PRKDC: variants seen among roughly 807,000 people sequenced by gnomAD.
PRKDC encodes the protein protein kinase, DNA-activated, catalytic subunit, also known as DNA-dependent protein kinase catalytic subunit.
PRKDC carries 82 observed loss-of-function variants against 486.9 expected under a neutral mutation model. That is an observed-to-expected ratio of 0.17 (90% CI 0.14 to 0.20). PRKDC has a LOEUF of 0.20. PRKDC is among the 10% of genes least tolerant of loss of function. The pLI, the probability that PRKDC is intolerant of heterozygous loss-of-function variation, is 1.00. For synonymous variants in PRKDC, 1,895 were observed against 1,837.0 expected (o/e 1.03, Z -0.81); for missense variants, 4,504 against 5,038.2 (o/e 0.89, Z 3.21).
Position 47,887,593 on chromosome 8 carries a change from T to C in PRKDC, c.4526A>G (p.Gln1509Arg), listed in dbSNP as rs2089365201. Residue 1509 changes from glutamine (Q) to arginine (R), a missense_variant, in exon 35 of 86, where the codon CAG becomes CGG. Gln to Arg is a conservative substitution (Grantham distance 43, BLOSUM62 1). This residue lies in a region of PRKDC where 1,969 missense variants were observed against 2,068.9 expected (regional missense o/e 0.95). Coordinates refer to ENST00000314191, the MANE Select transcript of PRKDC (RefSeq NM_006904.7). ...CLPSLDLSCKQLASGLLELAF... is the reference protein window; with the variant it reads ...CLPSLDLSCKRLASGLLELAF... ...TAACTCCAGAAGTCCGCTGGCCAGC[T>C]GCTTACAACTGAGGTCTAGAGAAGG... 1.3e-6 allele frequency: 2 copies of C among 1,598,206 alleles called. No homozygotes were observed. Among genetic ancestry groups the C allele is most frequent in the Non-Finnish European group, 1.7e-6 (2 of 1,172,318 alleles).
At chr8:47,942,995 T>C (rs775750099) in intron 10 of PRKDC, among the ~76,000 whole-genome samples, 2 of 152,222 alleles carry the variant, frequency 1.3e-5, no homozygotes, top group Non-Finnish European at 2.9e-5. Flanking sequence ...TGTCTCAATC[T>C]AGGCTCTGAG....
intron 54 of PRKDC, among the ~76,000 whole-genome samples, chr8:47,846,959 G>A (rs933014731): frequency 1.3e-5 from 2 of 152,124 alleles, no homozygotes; most frequent in African/African-American, 4.8e-5. Context: ...GGAGGTGAAA[G>A]ATCTCTACAA....
rs934674701 is a variant in PRKDC, at chr8:47,821,722, G to T, written c.8993C>A (p.Ser2998Tyr). 1.3e-6 allele frequency: 2 copies of T among 1,599,634 alleles called. No homozygotes were observed. Among genetic ancestry groups the T allele is most frequent in the Non-Finnish European group, 1.7e-6 (2 of 1,172,938 alleles). Residue 2998 changes from serine to tyrosine, a missense_variant, in exon 65 of 86, where the codon TCC becomes TAC. Ser to Tyr is a moderately radical substitution (Grantham distance 144). This residue lies in a region of PRKDC where 1,592 missense variants were observed against 1,724.6 expected (regional missense o/e 0.92). Coordinates refer to ENST00000314191, the MANE Select transcript of PRKDC (RefSeq NM_006904.7). Reference sequence around the variant, plus strand: ...AGCAAGGTGGTTGTAACAGTCAAGGGATGCAAGTTCCCAAAAATCCTTCTC... The same window carrying T: ...AGCAAGGTGGTTGTAACAGTCAAGGTATGCAAGTTCCCAAAAATCCTTCTC... The part of the protein sequence containing the change: ...EAEKDFWELA[S>Y]LDCYNHLAEW...
At chr8:47,834,656 T>C (rs2087968861) in intron 58 of PRKDC, among the ~76,000 whole-genome samples, 1 of 151,634 alleles carries the variant, frequency 6.6e-6, no homozygotes, top group Non-Finnish European at 1.5e-5. Context: ...AACACTTTGT[T>C]ATCTACTGAA....
chr8:47,832,351 C>T (rs1332288648), intron 59 of PRKDC, among the ~76,000 whole-genome samples: 1 of 152,194 alleles, frequency 6.6e-6, no homozygotes, highest in Non-Finnish European at 1.5e-5. Context: ...CTGTTTAGTA[C>T]CCCACCAGGA....
chr8:47,959,094 C>T (rs1387866909), intron 1 of PRKDC: 1 of 152,102 alleles, frequency 6.6e-6, no homozygotes, highest in East Asian at 1.9e-4. Context: ...CACTACTAGA[C>T]CCTCCGGAAG....
intron 41 of PRKDC, among the ~76,000 whole-genome samples, chr8:47,863,967 T>C (rs1229667387): frequency 6.6e-6 from 1 of 152,216 alleles, no homozygotes; most frequent in African/African-American, 2.4e-5. Context: ...GGCTGAGTGA[T>C]ACATCCTGCC....
At chr8:47,958,432 C>T (rs990910668) in intron 1 of PRKDC, among the ~76,000 whole-genome samples, 1 of 152,256 alleles carries the variant, frequency 6.6e-6, no homozygotes, top group Non-Finnish European at 1.5e-5. Context: ...ACAGTGGGAA[C>T]TGTAAGAGTA....
At chr8:47,924,941 TCTC>T (rs1231097372) in intron 21 of PRKDC, among the ~76,000 whole-genome samples, 4 of 152,166 alleles carry the variant, frequency 2.6e-5, no homozygotes, top group Non-Finnish European at 5.9e-5. Flanking sequence ...ATTTGTTCAA[TCTC>T]CTGTATGTAA....
At chr8:47,804,728 T>G (rs767276204) in intron 69 of PRKDC, among the ~76,000 whole-genome samples, 5 of 152,192 alleles carry the variant, frequency 3.3e-5, no homozygotes, top group African/African-American at 1.2e-4. Flanking sequence ...GGGAGTGGAA[T>G]TGTCGGGTCA....
At chr8:47,843,275 T>C (rs754051300) in intron 54 of PRKDC, among the ~76,000 whole-genome samples, 1 of 151,944 alleles carries the variant, frequency 6.6e-6, no homozygotes, top group Non-Finnish European at 1.5e-5. Flanking sequence ...AACAAAAGAA[T>C]AGACCAAGCT....
intron 7 of PRKDC, among the ~76,000 whole-genome samples, chr8:47,945,553 C>G (rs1014197131): frequency 5.3e-5 from 8 of 152,200 alleles, no homozygotes; most frequent in African/African-American, 1.9e-4. Context: ...CTGCAAGGTT[C>G]ATCCATGCTG....
intron 77 of PRKDC, 115 bp downstream of exon 77, chr8:47,784,998 T>C: frequency 1.9e-6 from 2 of 1,071,364 alleles, no homozygotes; most frequent in Non-Finnish European, 2.7e-6. Flanking sequence ...TAAAATTCTT[T>C]AAAAAAAGAA....
At chr8:47,894,454 A>G (rs1176363697) in intron 30 of PRKDC, among the ~76,000 whole-genome samples, 1 of 152,224 alleles carries the variant, frequency 6.6e-6, no homozygotes, top group Admixed American at 6.5e-5. Flanking sequence ...AAAGGACACA[A>G]AAAGGCAGAT....
intron 40 of PRKDC, among the ~76,000 whole-genome samples, chr8:47,872,579 T>C (rs1356506934): frequency 7.3e-6 from 1 of 137,270 alleles, no homozygotes; most frequent in Non-Finnish European, 1.6e-5. Flanking sequence ...AGATTGAAAA[T>C]AAAGGGATGA....
chr8:47,895,164 C>T (rs1010955970), intron 30 of PRKDC, among the ~76,000 whole-genome samples: 1 of 151,990 alleles, frequency 6.6e-6, no homozygotes, highest in Non-Finnish European at 1.5e-5. Flanking sequence ...GAGTTCGTGT[C>T]CAGCCCGGAC....
intron 25 of PRKDC, among the ~76,000 whole-genome samples, chr8:47,911,881 T>C (rs2154502761): frequency 6.6e-6 from 1 of 152,214 alleles, no homozygotes; most frequent in African/African-American, 2.4e-5. Flanking sequence ...GTGATTCTCA[T>C]GCCTCAGCCT....
At chr8:47,858,726 T>C (rs1295918435) in intron 47 of PRKDC, 91 bp from the exon 48 acceptor site, 5 of 1,450,584 alleles carry the variant, frequency 3.4e-6, no homozygotes, top group Admixed American at 2.9e-5. Flanking sequence ...AAGTAAGACA[T>C]GAACAAAAAA....
rs942785232 is a variant in PRKDC, at chr8:47,844,942, G to A, written c.7280+4212C>T. ...AGAAAAATAAGAACAAACCAAGTCC[G>A]GGTGCAGAGGCTGATGCCTGTACCC... On this transcript the variant is annotated intron_variant, in intron 54 of 85. Coordinates refer to ENST00000314191, the MANE Select transcript of PRKDC (RefSeq NM_006904.7). Among the ~76,000 whole-genome samples, 5 of 152,072 alleles carry A rather than the reference G, an allele frequency of 3.3e-5. 1 individual carries two copies. The South Asian group carries it at 8.3e-4, about 25-fold the overall frequency.
Sources: allele counts gnomAD v4.1 joint callset (sites outside exome capture counted in the v4.1 genomes callset), GRCh38; gene constraint gnomAD v4.1.1; regional missense constraint gnomAD v4.1.1; transcripts MANE v1.5; gene names NCBI Gene and HGNC (gene_info 2026-07-23, HGNC 2026-07-21).